The following RBFOX1 variants were observed in gnomAD, a reference collection of about 807,000 sequenced individuals.
RBFOX1 encodes the protein RNA binding fox-1 homolog 1, also known as RNA binding protein fox-1 homolog 1.
RBFOX1 carries 8 observed loss-of-function variants against 57.7 expected under a neutral mutation model. The ratio of observed to expected loss-of-function variants is 0.14; its 90% CI spans 0.08 to 0.25. The LOEUF is 0.25. Ranked by LOEUF, RBFOX1 falls within the 10% of genes least tolerant of loss-of-function variation. The pLI, the probability that RBFOX1 is intolerant of heterozygous loss-of-function variation, is 1.00. For missense variants in RBFOX1, 611 were observed against 548.5 expected, an observed-to-expected ratio of 1.11 and a Z score of -1.14; for synonymous variants, 326 against 222.4, an observed-to-expected ratio of 1.47 and a Z score of -4.15.
intron 1 of RBFOX1, among the ~76,000 whole-genome samples, chr16:6,139,856 A>G (rs1252706465): frequency 1.3e-5 from 2 of 152,206 alleles, no homozygotes; most frequent in Non-Finnish European, 2.9e-5. Context: ...GGAGGAAGGA[A>G]GCAGAAAAGG....
chr16:6,400,283 T>G (rs1393329144), intron 2 of RBFOX1, among the ~76,000 whole-genome samples: 1 of 152,076 alleles, frequency 6.6e-6, no homozygotes, highest in Non-Finnish European at 1.5e-5. Flanking sequence ...AAATTAGGAG[T>G]CAGTAATTAT....
intron 4 of RBFOX1, among the ~76,000 whole-genome samples, chr16:7,125,398 A>C (rs1314996537): frequency 2.0e-5 from 3 of 152,210 alleles, no homozygotes; most frequent in African/African-American, 7.2e-5. Context: ...ATACCTTGTC[A>C]CTAGCGTCAA....
chr16:7,342,058 C>T (rs1354194975), intron 4 of RBFOX1, among the ~76,000 whole-genome samples: 2 of 152,030 alleles, frequency 1.3e-5, no homozygotes, highest in East Asian at 1.9e-4. Flanking sequence ...TCAGGAACTG[C>T]TCTCTGAAGA....
intron 6 of RBFOX1, among the ~76,000 whole-genome samples, chr16:7,582,829 T>G (rs2093880373): frequency 6.6e-6 from 1 of 152,104 alleles, no homozygotes; most frequent in Admixed American, 6.6e-5. Flanking sequence ...CCCCCCTTTG[T>G]CTCTTGTTAA....
chr16:7,618,221 C>G (rs2058767562), intron 10 of RBFOX1, among the ~76,000 whole-genome samples: 2 of 152,088 alleles, frequency 1.3e-5, no homozygotes, highest in Admixed American at 1.3e-4. Context: ...ATTGAAAGCT[C>G]TATTAAAAAT....
At chr16:6,370,495 A>G (rs762464165) in intron 2 of RBFOX1, among the ~76,000 whole-genome samples, 17 of 152,098 alleles carry the variant, frequency 1.1e-4, no homozygotes, top group Non-Finnish European at 2.4e-4. Context: ...ACAAAAAAGC[A>G]CGAGTCTTTT....
intron 4 of RBFOX1, among the ~76,000 whole-genome samples, chr16:7,131,139 G>A (rs1365059949): frequency 6.6e-6 from 1 of 152,060 alleles, no homozygotes; most frequent in Non-Finnish European, 1.5e-5. Context: ...GAGGCCAGGA[G>A]TTCGAAACAA....
At chr16:6,411,232 G>A (rs1249004195) in intron 2 of RBFOX1, among the ~76,000 whole-genome samples, 1 of 152,144 alleles carries the variant, frequency 6.6e-6, no homozygotes, top group Non-Finnish European at 1.5e-5. Flanking sequence ...TTCTCCTGCT[G>A]GGACCTCCCA....
intron 3 of RBFOX1, among the ~76,000 whole-genome samples, chr16:7,008,474 AG>A (rs1431960615): frequency 1.3e-5 from 2 of 152,204 alleles, no homozygotes; most frequent in African/African-American, 4.8e-5. Context: ...TAGGAAGCAA[AG>A]GTTGCAGTGA....
intron 2 of RBFOX1, among the ~76,000 whole-genome samples, chr16:6,516,114 C>G (rs566678908): frequency 2.0e-5 from 3 of 152,054 alleles, no homozygotes; most frequent in African/African-American, 7.2e-5. Flanking sequence ...CTGTAACTTC[C>G]GCCGCCCAGG....
At chr16:7,384,941 T>C (rs1392632192) in intron 4 of RBFOX1, among the ~76,000 whole-genome samples, 1 of 152,144 alleles carries the variant, frequency 6.6e-6, no homozygotes, top group Non-Finnish European at 1.5e-5. Context: ...GGTGGGGAGC[T>C]CTAGAAAGGC....
chr16:7,462,747 A>C (rs2059806640), intron 4 of RBFOX1, among the ~76,000 whole-genome samples: 1 of 152,222 alleles, frequency 6.6e-6, no homozygotes, highest in African/African-American at 2.4e-5. Flanking sequence ...GGCTGTCAGC[A>C]GGGAGATAGC....
At chr16:6,706,849 C>T (rs992231319) in intron 3 of RBFOX1, among the ~76,000 whole-genome samples, 1 of 151,942 alleles carries the variant, frequency 6.6e-6, no homozygotes, top group Admixed American at 6.6e-5. Flanking sequence ...CAGAAGTCAT[C>T]TGGTGTAGGT....
At position 7,011,606 on chromosome 16, in the gene RBFOX1, C is replaced by T. The variant is rs567729484; in HGVS notation, c.-15-40451C>T. On this transcript the variant is annotated intron_variant, in intron 3 of 15. Coordinates refer to ENST00000550418, the MANE Select transcript of RBFOX1 (RefSeq NM_018723.4). ...TCGGCTCACTGCAAGCTCCGCATCC[C>T]GGGTTCACGCCATTATCCAGCCTCA... Among the ~76,000 whole-genome samples, 65 of 152,272 alleles carry T rather than the reference C, an allele frequency of 4.3e-4. 1 individual carries two copies. The highest frequency in any genetic ancestry group is 1.3e-3 in the African/African-American group (54 of 41,558).
At chr16:7,643,063 T>C (rs2063115048) in intron 11 of RBFOX1, among the ~76,000 whole-genome samples, 1 of 152,232 alleles carries the variant, frequency 6.6e-6, no homozygotes, top group South Asian at 2.1e-4. Context: ...TAGCCATTTA[T>C]AACCTGTGAG....
intron 1 of RBFOX1, among the ~76,000 whole-genome samples, chr16:5,438,158 G>A (rs970753635): frequency 6.6e-6 from 1 of 152,138 alleles, no homozygotes; most frequent in Non-Finnish European, 1.5e-5. Context: ...CAACCACAGG[G>A]GATATTAAAG....
At chr16:6,315,559 G>T (rs28673509) in intron 1 of RBFOX1, among the ~76,000 whole-genome samples, 1 of 72,152 alleles carries the variant, frequency 1.4e-5, no homozygotes, top group Non-Finnish European at 3.7e-5. Context: ...ATGGATGGAT[G>T]GATGGATGGA....
intron 4 of RBFOX1, among the ~76,000 whole-genome samples, chr16:7,160,340 C>T (rs940682616): frequency 3.8e-4 from 58 of 152,026 alleles, no homozygotes; most frequent in African/African-American, 1.4e-3. Flanking sequence ...TGTAAAATGG[C>T]AATGAAAAAG....
intron 4 of RBFOX1, among the ~76,000 whole-genome samples, chr16:7,219,817 A>G (rs1399415900): frequency 6.6e-6 from 1 of 152,202 alleles, no homozygotes; most frequent in Non-Finnish European, 1.5e-5. Flanking sequence ...TGAAAGCATG[A>G]CCTTCCACCA....
Sources: gnomAD v4.1 joint callset for allele counts (sites outside exome capture counted in the v4.1 genomes callset) on GRCh38, gnomAD v4.1.1 for gene constraint, MANE v1.5 for transcripts, NCBI Gene and HGNC (gene_info 2026-07-23, HGNC 2026-07-21) for gene names.